Variants in OSTN observed in about 807,000 individuals in gnomAD.
OSTN encodes osteocrin.
A neutral mutation model predicts 12.0 loss-of-function variants in OSTN; 9 were observed. The ratio of observed to expected loss-of-function variants is 0.75; its 90% CI spans 0.45 to 1.30. OSTN has a LOEUF of 1.30. Ranked by LOEUF, OSTN falls within the 50% of genes most tolerant of loss-of-function variation. OSTN has a pLI of 0.00. For synonymous variants in OSTN, 59 were observed against 56.9 expected, an observed-to-expected ratio of 1.04 and a Z score of -0.16; for missense variants, 148 against 152.3, an observed-to-expected ratio of 0.97 and a Z score of 0.15.
At chr3:191,248,833 C>A (rs1715496309) in intron 3 of OSTN, among the ~76,000 whole-genome samples, 1 of 152,134 alleles carries the variant, frequency 6.6e-6, no homozygotes. Flanking sequence ...CTTATAGTCC[C>A]AGCTACTTGG....
In OSTN at chr3:191,263,366, T is replaced by C. The variant is rs1233875681; in HGVS notation, c.*513T>C. The stretch of plus-strand genomic sequence containing the variant: ...ATAATTATGAAATTAGGCTTCTCTT[T>C]TCATATTCAAGTTTCAGTCATGTTC... On this transcript the variant is annotated 3_prime_UTR_variant, in exon 5 of 5. Coordinates refer to ENST00000682035, the MANE Select transcript of OSTN (RefSeq NM_198184.2). The C allele has an allele frequency of 6.6e-6, 1 of 152,398 alleles. No homozygotes were observed. The highest frequency in any genetic ancestry group is 1.5e-5 in the Non-Finnish European group (1 of 68,170). 9.4% of individuals were successfully genotyped at this position (152,398 alleles called of 1,614,324 possible). A position where few individuals can be genotyped will look rare whatever the true frequency, so the allele number is the denominator to read the frequency against.
chr3:191,212,276 G>C (rs1714477812), intron 1 of OSTN, among the ~76,000 whole-genome samples: 1 of 152,190 alleles, frequency 6.6e-6, no homozygotes, highest in Non-Finnish European at 1.5e-5. Flanking sequence ...TTGTGGGTCA[G>C]TTTGAATTAA....
intron 3 of OSTN, among the ~76,000 whole-genome samples, chr3:191,243,769 ATAAT>A (rs1184183255): frequency 1.3e-5 from 2 of 152,124 alleles, no homozygotes; most frequent in Non-Finnish European, 2.9e-5. Context: ...TAATAACACA[ATAAT>A]TAATATTTAC....
At chr3:191,219,118 T>C (rs1245521133) in intron 3 of OSTN, among the ~76,000 whole-genome samples, 157 bp downstream of exon 3, 1 of 152,230 alleles carries the variant, frequency 6.6e-6, no homozygotes, top group Admixed American at 6.5e-5. Flanking sequence ...ATAATACAGT[T>C]TTCTAAGTAA....
chr3:191,231,164 A>G (rs1443080399), intron 3 of OSTN, among the ~76,000 whole-genome samples: 1 of 152,194 alleles, frequency 6.6e-6, no homozygotes, highest in Non-Finnish European at 1.5e-5. Flanking sequence ...TGTTTTGTAT[A>G]TTCCAGAAGT....
chr3:191,218,832 T>C lies in OSTN; in HGVS notation c.188T>C (p.Leu63Ser). The change falls in exon 3 of 5, where the codon TTG (leucine) becomes TCG (serine). Residue 63 changes from leucine to serine, a missense_variant. Leu to Ser is a moderately radical substitution (Grantham distance 145). Transcript: ENST00000682035. ...KSATDLTAKL[L>S]LLDELVSLEN... ...GCCACTGACCTGACAGCAAAACTCT[T>C]GCTTCTTGATGAATTGGTGTCCCTA... The C allele has an allele frequency of 1.2e-6, 2 of 1,614,100 alleles. No individual in the cohort carries two copies. Among genetic ancestry groups the C allele is most frequent in the Non-Finnish European group, 1.7e-6 (2 of 1,179,978 alleles).
chr3:191,234,397 T>C lies in OSTN; in HGVS notation c.317+15436T>C, dbSNP rs1409193996. Among the ~76,000 whole-genome samples the C allele has an allele frequency of 7.2e-5, 11 of 151,912 alleles. No homozygotes were observed. The South Asian group carries it at 8.3e-4, about 11-fold the overall frequency. Reference sequence around the variant, plus strand: ...GAGAGTCACAGAGTTTCAGATGCCTTGAGAAAAGTAGTGACTTGGCCGGGT... The same window carrying C: ...GAGAGTCACAGAGTTTCAGATGCCTCGAGAAAAGTAGTGACTTGGCCGGGT... On this transcript the variant is annotated intron_variant, in intron 3 of 4. Transcript: ENST00000682035.
intron 2 of OSTN, among the ~76,000 whole-genome samples, chr3:191,216,827 TCAA>T: frequency 6.6e-6 from 1 of 152,320 alleles, no homozygotes; most frequent in African/African-American, 2.4e-5. Flanking sequence ...TAAAAAATAT[TCAA>T]CAAGTGTCTA....
chr3:191,202,848 A>C (rs6800611), intron 1 of OSTN, among the ~76,000 whole-genome samples: 67,073 of 152,072 alleles, frequency 0.44, 15,939 homozygotes, highest in African/African-American at 0.61. Context: ...AACAAATTTC[A>C]TTAACAGAAT....
intron 1 of OSTN, among the ~76,000 whole-genome samples, chr3:191,205,949 C>G (rs180835036): frequency 6.6e-6 from 1 of 152,240 alleles, no homozygotes; most frequent in African/African-American, 2.4e-5. Context: ...CTTTGGGAGG[C>G]TGAGGCGAGT....
At chr3:191,213,317 A>G (rs981492917) in intron 2 of OSTN, 4 of 152,218 alleles carry the variant, frequency 2.6e-5, no homozygotes, top group Non-Finnish European at 5.9e-5. Flanking sequence ...TTTTATTGCC[A>G]ACATGCCATT....
At chr3:191,215,658 G>A (rs1372699711) in intron 2 of OSTN, among the ~76,000 whole-genome samples, 1 of 152,174 alleles carries the variant, frequency 6.6e-6, no homozygotes, top group Non-Finnish European at 1.5e-5. Context: ...AATCCTACAG[G>A]GCAGTTATTA....
intron 4 of OSTN, among the ~76,000 whole-genome samples, chr3:191,261,587 C>T (rs1715811815): frequency 6.6e-6 from 1 of 152,122 alleles, no homozygotes. Flanking sequence ...TGCAAATCCC[C>T]CCACAAAAAA....
At chr3:191,247,424 A>C (rs980293551) in intron 3 of OSTN, among the ~76,000 whole-genome samples, 6 of 152,214 alleles carry the variant, frequency 3.9e-5, no homozygotes, top group Non-Finnish European at 8.8e-5. Context: ...AGCTAGAGTA[A>C]GGATAAGGAT....
intron 3 of OSTN, among the ~76,000 whole-genome samples, chr3:191,242,041 C>A (rs1024277395): frequency 6.6e-6 from 1 of 151,908 alleles, no homozygotes; most frequent in African/African-American, 2.4e-5. Context: ...TTGTTTATCA[C>A]AAAAATACAA....
At chr3:191,258,520 T>C (rs1715726876) in intron 4 of OSTN, among the ~76,000 whole-genome samples, 1 of 119,282 alleles carries the variant, frequency 8.4e-6, no homozygotes, top group Admixed American at 8.8e-5. Context: ...AGGGATAGCA[T>C]TAAGAGAAAC....
chr3:191,202,167 A>T (rs1714165166), intron 1 of OSTN, among the ~76,000 whole-genome samples: 2 of 152,232 alleles, frequency 1.3e-5, no homozygotes, highest in African/African-American at 4.8e-5. Context: ...ACAGATGTTT[A>T]AAAAATAGAA....
intron 3 of OSTN, among the ~76,000 whole-genome samples, chr3:191,238,871 A>G (rs1022533695): frequency 2.0e-5 from 3 of 152,196 alleles, no homozygotes; most frequent in Non-Finnish European, 2.9e-5. Flanking sequence ...TTTCTCCCAA[A>G]AGGGATAATA....
rs142554983 is a variant in OSTN, at chr3:191,263,626, T to A, written c.*773T>A. The stretch of plus-strand genomic sequence containing the variant: ...ACCACCAGAACAGGTTAGGACCAGC[T>A]AAGCACACATCATTTTAGCTCAGTA... On this transcript the variant is annotated 3_prime_UTR_variant, in exon 5 of 5. Coordinates refer to ENST00000682035, the MANE Select transcript of OSTN (RefSeq NM_198184.2). 4 of 152,298 alleles carry A rather than the reference T, an allele frequency of 2.6e-5. No individual in the cohort carries two copies. In the East Asian group the frequency reaches 7.7e-4, roughly 29 times the overall value. The allele number at this position is 152,298 out of a possible 1,614,324, so 9.4% of individuals were successfully genotyped here. A position where few individuals can be genotyped will look rare whatever the true frequency, so the allele number is the denominator to read the frequency against.
Sources: gnomAD v4.1 joint callset for allele counts (sites outside exome capture counted in the v4.1 genomes callset) on GRCh38, gnomAD v4.1.1 for gene constraint, MANE v1.5 for transcripts, NCBI Gene and HGNC (gene_info 2026-07-23, HGNC 2026-07-21) for gene names.